SLC1A2: variants seen among roughly 807,000 people sequenced by gnomAD.
SLC1A2 encodes the protein excitatory amino acid transporter 2.
In SLC1A2, 15 loss-of-function variants were observed where a neutral mutation model predicts 48.8. That is an observed-to-expected ratio of 0.31 (90% CI 0.21 to 0.47). The LOEUF (loss-of-function observed/expected upper bound fraction) is 0.47. Ranked by LOEUF, SLC1A2 falls within the 20% of genes least tolerant of loss-of-function variation. SLC1A2 has a pLI of 0.99. For synonymous variants in SLC1A2, 279 were observed against 272.6 expected (o/e 1.02, Z -0.23); for missense variants, 502 against 730.5 (o/e 0.69, Z 3.61).
At chr11:35,388,798 C>T (rs958997570) in intron 1 of SLC1A2, among the ~76,000 whole-genome samples, 1 of 152,206 alleles carries the variant, frequency 6.6e-6, no homozygotes, top group Admixed American at 6.5e-5. Context: ...CCTTCGGATG[C>T]TCAGAAAGCA....
At chr11:35,386,008 T>C (rs1854573978) in intron 1 of SLC1A2, among the ~76,000 whole-genome samples, 1 of 151,960 alleles carries the variant, frequency 6.6e-6, no homozygotes, top group African/African-American at 2.4e-5. Context: ...TCTACTAAAA[T>C]ACAAAAAATT....
intron 1 of SLC1A2, chr11:35,323,168 A>C (rs1591473213): frequency 4.2e-6 from 1 of 240,232 alleles, no homozygotes; most frequent in Non-Finnish European, 8.1e-6. Flanking sequence ...CAGACTTCAC[A>C]AACCTCTTTT....
In SLC1A2 at chr11:35,290,725, T is replaced by C. The variant is rs547706222; in HGVS notation, c.1091+1562A>G. ...ATTAAACCAGGTTGGGTTTTTTTTT[T>C]TTTCTCTTTTTCTTCAAGTGAAGAT... On this transcript the variant is annotated intron_variant, in intron 7 of 10. Coordinates refer to ENST00000278379, the MANE Select transcript of SLC1A2 (RefSeq NM_004171.4). 3.1e-3 allele frequency among the ~76,000 whole-genome samples: 316 copies of C among 101,226 alleles called. 2 individuals carry two copies. Among genetic ancestry groups the C allele is most frequent in the African/African-American group, 8.5e-3 (300 of 35,126 alleles). 66.4% of individuals were successfully genotyped at this position (101,226 alleles called of 152,430 possible).
chr11:35,387,865 T>G (rs899118409), intron 1 of SLC1A2, among the ~76,000 whole-genome samples: 1 of 152,240 alleles, frequency 6.6e-6, no homozygotes, highest in Middle Eastern at 3.2e-3. Flanking sequence ...CAATTAGCTA[T>G]GTGATGAAAA....
intron 6 of SLC1A2, among the ~76,000 whole-genome samples, chr11:35,300,296 A>T (rs952512694): frequency 1.3e-5 from 2 of 152,220 alleles, no homozygotes; most frequent in Non-Finnish European, 2.9e-5. Flanking sequence ...TGCAAAAGTA[A>T]CTGTGGTTTT....
rs117253266 is a variant in SLC1A2 at position 35,400,044 on chromosome 11, C to T, written c.17+18906G>A. Among the ~76,000 whole-genome samples, 289 of 152,246 alleles carry T rather than the reference C, an allele frequency of 1.9e-3. 11 individuals carry two copies. In the East Asian group the frequency reaches 0.051, roughly 27 times the overall value. On this transcript the variant is annotated intron_variant, in intron 1 of 10. Transcript: ENST00000278379. ...TCACAACTGCAAGTAAGAGACATAG[C>T]GGTAAGGGGGACTCAAAAAGACAAC...
intron 1 of SLC1A2, among the ~76,000 whole-genome samples, chr11:35,376,444 A>G (rs1474394457): frequency 1.3e-5 from 2 of 152,204 alleles, no homozygotes; most frequent in Non-Finnish European, 2.9e-5. Flanking sequence ...GTACGATACC[A>G]TTAAAGGAAG....
chr11:35,400,577 G>A (rs891209724), intron 1 of SLC1A2, among the ~76,000 whole-genome samples: 24 of 152,226 alleles, frequency 1.6e-4, no homozygotes, highest in Non-Finnish European at 1.2e-4. Flanking sequence ...GAATAAATTC[G>A]TTATGGATAA....
chr11:35,261,808 T>C, intron 10 of SLC1A2: 1 of 398,400 alleles, frequency 2.5e-6, no homozygotes, highest in Non-Finnish European at 4.4e-6. Context: ...GAAATCTGAC[T>C]TTCTTCTTAC....
chr11:35,258,080 C>T lies in SLC1A2; in HGVS notation c.*2814G>A, dbSNP rs1950338505. 1 of 152,096 alleles carries T rather than the reference C, an allele frequency of 6.6e-6. No individual in the cohort carries two copies. Among genetic ancestry groups the T allele is most frequent in the South Asian group, 2.1e-4 (1 of 4,824 alleles). The allele number at this position is 152,096 out of a possible 1,614,324, so 9.4% of individuals were successfully genotyped here. Reference sequence around the variant, plus strand: ...CTGGGCAAAGAAAATCCCAAATGGGCATGGCAAGGGAGAAATAAATGAGGC... The same window carrying T: ...CTGGGCAAAGAAAATCCCAAATGGGTATGGCAAGGGAGAAATAAATGAGGC... On this transcript the variant is annotated 3_prime_UTR_variant, in exon 11 of 11. Transcript: ENST00000278379.
intron 4 of SLC1A2, among the ~76,000 whole-genome samples, chr11:35,308,768 A>C (rs3888947): frequency 6.6e-6 from 1 of 152,176 alleles, no homozygotes; most frequent in Non-Finnish European, 1.5e-5. Flanking sequence ...AAAGCATAGC[A>C]GGTGCTAATT....
At chr11:35,407,547 G>A (rs932698941) in intron 1 of SLC1A2, among the ~76,000 whole-genome samples, 1 of 152,038 alleles carries the variant, frequency 6.6e-6, no homozygotes, top group African/African-American at 2.4e-5. Context: ...TACCATTTAT[G>A]GAAAAAAATA....
chr11:35,311,921 AG>A (rs1246258102), intron 4 of SLC1A2, among the ~76,000 whole-genome samples: 1 of 2,922 alleles, frequency 3.4e-4, no homozygotes, highest in Non-Finnish European at 6.8e-4. Context: ...AGAGAGAGAG[AG>A]GCGGGGGGGG....
At chr11:35,328,046 A>C (rs950687805) in intron 1 of SLC1A2, among the ~76,000 whole-genome samples, 3 of 152,168 alleles carry the variant, frequency 2.0e-5, no homozygotes, top group African/African-American at 7.2e-5. Flanking sequence ...AGTGCTGCTA[A>C]ATGAGAGAAA....
chr11:35,355,343 A>G (rs1853417913), intron 1 of SLC1A2, among the ~76,000 whole-genome samples: 1 of 151,850 alleles, frequency 6.6e-6, no homozygotes, highest in Admixed American at 6.6e-5. Context: ...CCTCCTCCCA[A>G]CCCTTCACAC....
At position 35,277,045 on chromosome 11, in the gene SLC1A2, G is replaced by A. The variant is rs139791443; in HGVS notation, c.1421+3822C>T. Reference sequence around the variant, plus strand: ...AAAGACAAAGAGAGGGCAAGAAGGGGCTGAATTCACCCTTTTATAATGCAC... The same window carrying A: ...AAAGACAAAGAGAGGGCAAGAAGGGACTGAATTCACCCTTTTATAATGCAC... On this transcript the variant is annotated intron_variant, in intron 9 of 10. Transcript: ENST00000278379. 3.3e-5 allele frequency among the ~76,000 whole-genome samples: 5 copies of A among 152,262 alleles called. No individual in the cohort carries two copies. The East Asian group carries it at 9.6e-4, about 29-fold the overall frequency.
At chr11:35,396,557 A>G (rs1296989135) in intron 1 of SLC1A2, among the ~76,000 whole-genome samples, 10 of 150,514 alleles carry the variant, frequency 6.6e-5, no homozygotes, top group African/African-American at 2.5e-4. Context: ...GTTTGAGTTC[A>G]TTGTAGATTC....
intron 9 of SLC1A2, among the ~76,000 whole-genome samples, chr11:35,273,850 A>AT (rs1850359804): frequency 6.6e-6 from 1 of 152,232 alleles, no homozygotes; most frequent in Admixed American, 6.5e-5. Context: ...TAGAGACACA[A>AT]TTGGTTTTTG....
At chr11:35,264,378 C>A (rs956063319) in intron 10 of SLC1A2, among the ~76,000 whole-genome samples, 4 of 152,204 alleles carry the variant, frequency 2.6e-5, no homozygotes, top group African/African-American at 9.7e-5. Flanking sequence ...CAACAGAAGT[C>A]AAAAAGCTAC....
Sources: allele counts gnomAD v4.1 joint callset (sites outside exome capture counted in the v4.1 genomes callset), GRCh38; gene constraint gnomAD v4.1.1; transcripts MANE v1.5; gene names NCBI Gene and HGNC (gene_info 2026-07-23, HGNC 2026-07-21).